Variants in SDK1 observed in about 807,000 individuals in gnomAD.
SDK1 encodes sidekick cell adhesion molecule 1.
SDK1 carries 157 observed loss-of-function variants against 245.5 expected under a neutral mutation model. The observed-to-expected ratio is 0.64, with a 90% CI of 0.56 to 0.73. The LOEUF (loss-of-function observed/expected upper bound fraction) is 0.73. Among genes scored for constraint, SDK1 ranks in the 30% least tolerant of loss-of-function variants. The pLI is 0.00. For missense variants in SDK1, 3,583 were observed against 3,002.3 expected (o/e 1.19, Z -4.52); for synonymous variants, 1,647 against 1,278.5 (o/e 1.29, Z -6.15).
chr7:3,879,562 C>G (rs1320004761), intron 5 of SDK1, among the ~76,000 whole-genome samples: 1 of 152,226 alleles, frequency 6.6e-6, no homozygotes, highest in Non-Finnish European at 1.5e-5. Flanking sequence ...CAATTCTGTA[C>G]CGGCTCCTGG....
Position 4,265,661 on chromosome 7 carries a change from G to A in SDK1, c.*277G>A, listed in dbSNP as rs930322699. 1.8e-4 allele frequency: 220 copies of A among 1,226,796 alleles called. 3 individuals are homozygous for A. The East Asian group carries it at 9.0e-3, about 50-fold the overall frequency. The allele number at this position is 1,226,796 out of a possible 1,614,324, so 76.0% of individuals were successfully genotyped here. ...ACTGGTGCAATGGCTTGGCACCTCC[G>A]GGGCCTGGGAGGACCTCAGACCTCC... is the stretch of plus-strand genomic sequence containing the variant. On this transcript the variant is annotated 3_prime_UTR_variant, in exon 45 of 45. Coordinates refer to ENST00000404826, the MANE Select transcript of SDK1 (RefSeq NM_152744.4).
chr7:4,085,267 T>A (rs2128181268), intron 22 of SDK1, among the ~76,000 whole-genome samples: 1 of 152,328 alleles, frequency 6.6e-6, no homozygotes, highest in East Asian at 1.9e-4. Flanking sequence ...ATCTCAGTGG[T>A]ATGACTAACA....
At chr7:4,077,315 C>G in intron 21 of SDK1, 126 bp downstream of exon 21, 1 of 875,994 alleles carries the variant, frequency 1.1e-6, no homozygotes, top group Non-Finnish European at 1.8e-6. Flanking sequence ...TGGCCTCCTG[C>G]CAAGATGCTG....
rs560124026 is a variant in SDK1, at chr7:3,357,328, GTTTTTTTTTTTTTTTTTTT to G, written c.298+55465_298+55483del. ...TTACTCTTGCTCCCCTTCTTTTAGT[GTTTTTTTTTTTTTTTTTTT>G]TTTTTTTTTTTTTTTTTTTTGAGGC... On this transcript the variant is annotated intron_variant, in intron 1 of 44. Coordinates refer to ENST00000404826, the MANE Select transcript of SDK1 (RefSeq NM_152744.4). Among the ~76,000 whole-genome samples the G allele has an allele frequency of 3.4e-3, 181 of 52,946 alleles. 2 individuals carry two copies. The highest frequency in any genetic ancestry group is 4.0e-3 in the Non-Finnish European group (113 of 28,316). 34.7% of individuals were successfully genotyped at this position (52,946 alleles called of 152,430 possible).
chr7:3,816,354 C>G (rs940508778), intron 4 of SDK1, among the ~76,000 whole-genome samples: 3 of 147,934 alleles, frequency 2.0e-5, no homozygotes, highest in Admixed American at 6.7e-5. Flanking sequence ...GCTAGCAAGA[C>G]TAATAAAGAA....
intron 4 of SDK1, among the ~76,000 whole-genome samples, chr7:3,722,376 C>T (rs76605933): frequency 0.013 from 1,965 of 152,170 alleles, 54 homozygotes; most frequent in African/African-American, 0.045. Flanking sequence ...GTATGGCAGC[C>T]GCAAGGAAGG....
At chr7:4,024,361 A>C (rs979644203) in intron 17 of SDK1, among the ~76,000 whole-genome samples, 3 of 145,264 alleles carry the variant, frequency 2.1e-5, no homozygotes, top group Non-Finnish European at 4.5e-5. Context: ...ATTGCACAAA[A>C]GATTTGTTTC....
chr7:3,921,630 C>A (rs1583567597), intron 5 of SDK1, among the ~76,000 whole-genome samples: 1 of 152,044 alleles, frequency 6.6e-6, no homozygotes, highest in Admixed American at 6.6e-5. Flanking sequence ...TCTAAAGGCG[C>A]CAAGAAGCTG....
At chr7:3,595,612 G>A (rs1781027820) in intron 1 of SDK1, among the ~76,000 whole-genome samples, 1 of 151,936 alleles carries the variant, frequency 6.6e-6, no homozygotes, top group Non-Finnish European at 1.5e-5. Flanking sequence ...GTGAGGCAGA[G>A]TGACATGATC....
At chr7:3,792,614 CCA>C (rs1778838264) in intron 4 of SDK1, among the ~76,000 whole-genome samples, 1 of 254 alleles carries the variant, frequency 3.9e-3, no homozygotes, top group South Asian at 0.17. Flanking sequence ...TTTCTCCCTC[CCA>C]TCCATCCATC....
At chr7:3,475,754 A>G (rs1781330976) in intron 1 of SDK1, among the ~76,000 whole-genome samples, 1 of 152,208 alleles carries the variant, frequency 6.6e-6, no homozygotes, top group African/African-American at 2.4e-5. Context: ...AGAATGAAGT[A>G]TATTATATTT....
intron 35 of SDK1, among the ~76,000 whole-genome samples, chr7:4,199,437 C>A (rs1783764814): frequency 6.6e-6 from 1 of 152,126 alleles, no homozygotes. Context: ...TGATGGGAAG[C>A]AAAGATCATT....
intron 33 of SDK1, among the ~76,000 whole-genome samples, chr7:4,175,341 A>T (rs1024648623): frequency 3.1e-4 from 47 of 152,296 alleles, no homozygotes; most frequent in African/African-American, 1.1e-3. Context: ...GGGCCCCGGG[A>T]TGCGGCTGGG....
chr7:3,538,041 T>C (rs567732243), intron 1 of SDK1, among the ~76,000 whole-genome samples: 1 of 152,310 alleles, frequency 6.6e-6, no homozygotes, highest in East Asian at 1.9e-4. Flanking sequence ...TCGTGGAGTC[T>C]TTCTTATTTT....
At chr7:3,826,115 CT>C (rs1378986468) in intron 5 of SDK1, among the ~76,000 whole-genome samples, 1 of 152,188 alleles carries the variant, frequency 6.6e-6, no homozygotes, top group Non-Finnish European at 1.5e-5. Flanking sequence ...CTGCCCTGGC[CT>C]CCTGAGCTGG....
intron 1 of SDK1, among the ~76,000 whole-genome samples, chr7:3,563,549 G>C (rs182525650): frequency 1.9e-3 from 296 of 152,266 alleles, no homozygotes; most frequent in Non-Finnish European, 2.6e-3. Context: ...AATATAGTTT[G>C]AAAATATATC....
chr7:3,338,400 GAGCACATTA>G, intron 1 of SDK1: 2 of 530,508 alleles, frequency 3.8e-6, no homozygotes, highest in Non-Finnish European at 7.2e-6. Flanking sequence ...TGTGCGTGTT[GAGCACATTA>G]AGCACTCTTA....
At position 3,611,227 on chromosome 7, in the gene SDK1, T is replaced by C. The variant is rs180892205; in HGVS notation, c.299-7853T>C. Among the ~76,000 whole-genome samples the C allele has an allele frequency of 8.5e-5, 13 of 152,330 alleles. No homozygotes were observed. In the East Asian group the frequency reaches 2.5e-3, roughly 29 times the overall value. On this transcript the variant is annotated intron_variant, in intron 1 of 44. Coordinates refer to ENST00000404826, the MANE Select transcript of SDK1 (RefSeq NM_152744.4). Reference sequence around the variant, plus strand: ...TACCACTGGGAAGTATTTAGAAATATTTATGATAAGCTAAAGAAACAAAGC... The same window carrying C: ...TACCACTGGGAAGTATTTAGAAATACTTATGATAAGCTAAAGAAACAAAGC...
intron 5 of SDK1, among the ~76,000 whole-genome samples, chr7:3,927,653 A>C (rs960720103): frequency 6.6e-6 from 1 of 152,240 alleles, no homozygotes; most frequent in African/African-American, 2.4e-5. Context: ...TGCAGCCAAG[A>C]GTCCATCTGT....
Sources: allele counts gnomAD v4.1 joint callset (sites outside exome capture counted in the v4.1 genomes callset), GRCh38; gene constraint gnomAD v4.1.1; transcripts MANE v1.5; gene names NCBI Gene and HGNC (gene_info 2026-07-23, HGNC 2026-07-21).